MRPS10: variants seen among roughly 807,000 people sequenced by gnomAD.
MRPS10 encodes the protein mitochondrial ribosomal protein S10.
Under a neutral mutation model 27.5 loss-of-function variants are expected in MRPS10, and 23 were observed. The ratio of observed to expected loss-of-function variants is 0.84; its 90% confidence interval spans 0.60 to 1.18. The LOEUF is 1.18. Among genes scored for constraint, MRPS10 ranks in the 50% most tolerant of loss-of-function variants. The pLI, the probability that MRPS10 is intolerant of heterozygous loss-of-function variation, is 0.00. For missense variants in MRPS10, 237 were observed against 240.1 expected (o/e 0.99, Z 0.09); for synonymous variants, 88 against 84.2 (o/e 1.04, Z -0.25).
chr6:42,213,524 C>T (rs904326270), intron 3 of MRPS10, among the ~76,000 whole-genome samples: 10 of 150,822 alleles, frequency 6.6e-5, no homozygotes, highest in African/African-American at 2.5e-4. Context: ...GACATGTGCA[C>T]AGACAAAGTG....
rs1165138929 is a variant in MRPS10, at chr6:42,208,290, T to C, written c.605A>G (p.Ter202=). The C allele has an allele frequency of 1.8e-5, 29 of 1,610,918 alleles. No homozygotes were observed. The highest frequency in any genetic ancestry group is 2.5e-5 in the Non-Finnish European group (29 of 1,178,314). The stretch of plus-strand genomic sequence containing the variant: ...GGCAAAAATGGCCTCCCTGAGGCTT[T>C]ATGACTTGCTTTCTTCTTTTTCTTC... ...LSEEKEESKS[*] Residue 202 remains the stop codon, a stop_retained_variant, in exon 7 of 7, where the codon TAA becomes TGA. Transcript: ENST00000053468.
chr6:42,214,462 C>A, intron 1 of MRPS10, 118 bp from the exon 2 acceptor site: 2 of 602,766 alleles, frequency 3.3e-6, no homozygotes, highest in Non-Finnish European at 2.7e-6. Flanking sequence ...ACTGGGGTAA[C>A]TAAAATGGCC....
At position 42,211,840 on chromosome 6, in the gene MRPS10, C is replaced by T; in HGVS notation, c.264G>A (p.Leu88=). 1.2e-6 allele frequency: 2 copies of T among 1,613,882 alleles called. No homozygotes were observed. Among genetic ancestry groups the T allele is most frequent in the Non-Finnish European group, 1.7e-6 (2 of 1,179,896 alleles). Residue 88 remains leucine (L), a synonymous_variant, in exon 4 of 7, where the codon TTG becomes TTA. Transcript: ENST00000053468. ...GCACAGCAAAATATTCATAACTGTC[C>T]AATACAGCCTTATCGTGACCTTTCA... The part of the protein sequence containing the change: ...VLVKGHDKAV[L]DSYEYFAVLA...
At chr6:42,217,774 C>G in intron 1 of MRPS10, 28 bp downstream of exon 1, 9 of 1,613,116 alleles carry the variant, frequency 5.6e-6, no homozygotes, top group South Asian at 1.1e-5. Context: ...CCGGTCAGCC[C>G]TCCTAGTCTC....
intron 4 of MRPS10, among the ~76,000 whole-genome samples, chr6:42,211,511 T>A (rs1768771499): frequency 6.6e-6 from 1 of 151,942 alleles, no homozygotes; most frequent in African/African-American, 2.4e-5. Flanking sequence ...TGAAACCCCA[T>A]CTCTACTAAA....
In MRPS10 at chr6:42,214,196, T is replaced by C. The variant is rs1444985827; in HGVS notation, c.114-4A>G. The C allele has an allele frequency of 1.2e-6, 2 of 1,612,076 alleles. No individual in the cohort carries two copies. Among genetic ancestry groups the C allele is most frequent in the Non-Finnish European group, 1.7e-6 (2 of 1,178,884 alleles). ...TACCCACTTCATATTGGTACTGCTA[T>C]GTGTGGGGAAAAAAAGAGAAACCTA... On this transcript the variant is annotated splice_polypyrimidine_tract_variant and splice_region_variant and intron_variant, in intron 2 of 6. Coordinates refer to ENST00000053468, the MANE Select transcript of MRPS10 (RefSeq NM_018141.4).
At chr6:42,209,040 C>T (rs1768696826) in intron 5 of MRPS10, 93 bp from the exon 6 acceptor site, 1 of 792,368 alleles carries the variant, frequency 1.3e-6, no homozygotes, top group East Asian at 2.7e-5. Context: ...CACTCTGTTG[C>T]CTGGGCTGGA....
intron 6 of MRPS10, 33 bp from the exon 7 acceptor site, chr6:42,208,405 G>A (rs752557282): frequency 6.9e-7 from 1 of 1,451,464 alleles, no homozygotes; most frequent in South Asian, 1.2e-5. Flanking sequence ...CTATAATGTG[G>A]ATTTAACAGA....
intron 3 of MRPS10, among the ~76,000 whole-genome samples, chr6:42,213,518 T>A (rs12660313): frequency 0.55 from 83,108 of 151,972 alleles, 24,571 homozygotes; most frequent in East Asian, 0.83. Flanking sequence ...AAACTAGACA[T>A]GTGCACAGAC....
intron 3 of MRPS10, among the ~76,000 whole-genome samples, chr6:42,213,129 G>C (rs1343101433): frequency 6.6e-6 from 1 of 152,172 alleles, no homozygotes; most frequent in Non-Finnish European, 1.5e-5. Flanking sequence ...TTGCAGACTG[G>C]GGCTTAAATG....
At position 42,208,999 on chromosome 6, in the gene MRPS10, G is replaced by GTTTTTTT. The variant is rs375700314; in HGVS notation, c.433-53_433-52insAAAAAAA. The GTTTTTTT allele has an allele frequency of 1.0e-5, 11 of 1,061,392 alleles. 1 individual carries two copies. In the African/African-American group the frequency reaches 1.2e-4, roughly 12 times the overall value. The allele number at this position is 1,061,392 out of a possible 1,614,324, so 65.7% of individuals were successfully genotyped here. The stretch of plus-strand genomic sequence containing the variant: ...CATGTAAGCTGTTTGTTAAAGCACG[G>GTTTTTTT]TTTTTTGTTTTTTTTTTTGAGATGG... On this transcript the variant is annotated intron_variant, in intron 5 of 6. Coordinates refer to ENST00000053468, the MANE Select transcript of MRPS10 (RefSeq NM_018141.4).
chr6:42,210,078 C>T (rs1768734277), intron 5 of MRPS10, among the ~76,000 whole-genome samples: 1 of 152,190 alleles, frequency 6.6e-6, no homozygotes, highest in Admixed American at 6.5e-5. Flanking sequence ...TCTCCTTAAG[C>T]ACACGACTGT....
chr6:42,212,881 G>A (rs934344180), intron 3 of MRPS10, among the ~76,000 whole-genome samples: 6 of 152,164 alleles, frequency 3.9e-5, no homozygotes, highest in African/African-American at 1.4e-4. Flanking sequence ...GATCCCTACA[G>A]GGTGTTAAAA....
Position 42,207,595 on chromosome 6 carries a change from T to A in MRPS10, c.*694A>T, listed in dbSNP as rs937976585. ...TAACTACAGTGCTGGATGTAAAGTT[T>A]ATGCAGTAAAAGCTTATTGAATGAA... is the stretch of plus-strand genomic sequence containing the variant. On this transcript the variant is annotated 3_prime_UTR_variant, in exon 7 of 7. Coordinates refer to ENST00000053468, the MANE Select transcript of MRPS10 (RefSeq NM_018141.4). 2 of 152,258 alleles carry A rather than the reference T, an allele frequency of 1.3e-5. No individual in the cohort carries two copies. The highest frequency in any genetic ancestry group is 4.8e-5 in the African/African-American group (2 of 41,458). The allele number at this position is 152,258 out of a possible 1,614,324, so 9.4% of individuals were successfully genotyped here. A position where few individuals can be genotyped will look rare whatever the true frequency, so the allele number is the denominator to read the frequency against.
chr6:42,210,576 A>G lies in MRPS10; in HGVS notation c.344T>C (p.Ile115Thr). ...TGATTGGAGAAGAGTAAATCGCTCT[A>G]TTTTCCTTGGAGGTTCATGTCTGAA... ...SIKVHEPPRK[I>T]ERFTLLQSVH... The change falls in exon 5 of 7, where the codon ATA becomes ACA. Residue 115 changes from isoleucine to threonine, a missense_variant. By Grantham distance (89) the Ile-to-Thr change is moderately conservative. This residue lies in a region of MRPS10 where 11 missense variants were observed against 34.2 expected (regional missense o/e 0.32). Coordinates refer to ENST00000053468, the MANE Select transcript of MRPS10 (RefSeq NM_018141.4). The G allele has an allele frequency of 6.7e-7, 1 of 1,497,128 alleles. No homozygotes were observed. Among genetic ancestry groups the G allele is most frequent in the Non-Finnish European group, 9.0e-7 (1 of 1,106,322 alleles). 92.7% of individuals were successfully genotyped at this position (1,497,128 alleles called of 1,614,324 possible).
At chr6:42,216,894 C>T (rs536501449) in intron 1 of MRPS10, among the ~76,000 whole-genome samples, 21 of 152,200 alleles carry the variant, frequency 1.4e-4, no homozygotes, top group African/African-American at 4.8e-4. Context: ...TCAGGGGATC[C>T]GGGAAATCAA....
chr6:42,210,938 G>T (rs1379348592), intron 4 of MRPS10, among the ~76,000 whole-genome samples: 1 of 152,208 alleles, frequency 6.6e-6, no homozygotes, highest in Non-Finnish European at 1.5e-5. Context: ...AGACATAGTT[G>T]TAACACCTGC....
chr6:42,211,661 G>A (rs1168377194), intron 4 of MRPS10, 120 bp downstream of exon 4: 16 of 895,456 alleles, frequency 1.8e-5, no homozygotes, highest in African/African-American at 1.1e-4. Context: ...GCAACAGAGC[G>A]AGACTCTGTC....
intron 1 of MRPS10, among the ~76,000 whole-genome samples, chr6:42,214,777 G>C (rs993842078): frequency 6.6e-6 from 1 of 152,130 alleles, no homozygotes; most frequent in African/African-American, 2.4e-5. Flanking sequence ...AAATTCTGAA[G>C]TATCCCTCTT....
Sources: gnomAD v4.1 joint callset for allele counts (sites outside exome capture counted in the v4.1 genomes callset) on GRCh38, gnomAD v4.1.1 for gene constraint, gnomAD v4.1.1 regional missense constraint, MANE v1.5 for transcripts, NCBI Gene and HGNC (gene_info 2026-07-23, HGNC 2026-07-21) for gene names.